GRIN2A: variants seen among roughly 807,000 people sequenced by gnomAD.
The protein encoded by GRIN2A is glutamate receptor ionotropic, NMDA 2A.
GRIN2A carries 22 observed loss-of-function variants against 113.4 expected under a neutral mutation model. The ratio of observed to expected loss-of-function variants is 0.19; its 90% CI spans 0.14 to 0.28. GRIN2A has a LOEUF of 0.28. Among genes scored for constraint, GRIN2A ranks in the 10% least tolerant of loss-of-function variants. The pLI, the probability that GRIN2A is intolerant of heterozygous loss-of-function variation, is 1.00. For missense variants in GRIN2A, 1,502 were observed against 1,887.0 expected, an observed-to-expected ratio of 0.80 and a Z score of 3.78; for synonymous variants, 827 against 738.4, an observed-to-expected ratio of 1.12 and a Z score of -1.94.
At chr16:10,094,749 C>A (rs1384329739) in intron 2 of GRIN2A, among the ~76,000 whole-genome samples, 1 of 151,998 alleles carries the variant, frequency 6.6e-6, no homozygotes, top group Non-Finnish European at 1.5e-5. Flanking sequence ...TGTGCCTGGC[C>A]CAGAAAGCAT....
intron 2 of GRIN2A, 105 bp downstream of exon 2, chr16:10,179,893 C>CCCAAACAA: frequency 2.8e-6 from 2 of 719,814 alleles, no homozygotes; most frequent in East Asian, 3.6e-5. Context: ...CCCCCACCCC[C>CCCAAACAA]ACTTCACATC....
chr16:9,960,942 C>T (rs915541165), intron 2 of GRIN2A, among the ~76,000 whole-genome samples: 2 of 152,162 alleles, frequency 1.3e-5, no homozygotes, highest in African/African-American at 4.8e-5. Context: ...TTCTTAGTCT[C>T]AATTTCCTGA....
chr16:9,928,317 CTATA>C (rs2141600981), intron 3 of GRIN2A, among the ~76,000 whole-genome samples: 1 of 152,184 alleles, frequency 6.6e-6, no homozygotes, highest in South Asian at 2.1e-4. Context: ...AGCTTTTGGC[CTATA>C]TATAGATAGA....
At chr16:9,810,092 A>G (rs2042057951) in intron 10 of GRIN2A, among the ~76,000 whole-genome samples, 1 of 152,136 alleles carries the variant, frequency 6.6e-6, no homozygotes, top group East Asian at 1.9e-4. Context: ...CCTGGCATGG[A>G]GTGAGGGCTA....
chr16:10,075,253 C>T (rs1245257881), intron 2 of GRIN2A, among the ~76,000 whole-genome samples: 1 of 152,026 alleles, frequency 6.6e-6, no homozygotes, highest in Non-Finnish European at 1.5e-5. Context: ...CCCTTTCATC[C>T]TGAGTTTGAG....
At chr16:9,770,237 T>C (rs969250822) in intron 11 of GRIN2A, among the ~76,000 whole-genome samples, 1 of 152,070 alleles carries the variant, frequency 6.6e-6, no homozygotes, top group African/African-American at 2.4e-5. Context: ...ATGTGTATGC[T>C]AAATGAAAAG....
At chr16:9,977,567 G>C (rs1228896981) in intron 2 of GRIN2A, among the ~76,000 whole-genome samples, 1 of 152,150 alleles carries the variant, frequency 6.6e-6, no homozygotes, top group African/African-American at 2.4e-5. Context: ...TGTATACAGC[G>C]TACCACCCAC....
intron 3 of GRIN2A, among the ~76,000 whole-genome samples, chr16:9,929,009 T>C (rs2044529382): frequency 6.6e-6 from 1 of 152,214 alleles, no homozygotes; most frequent in African/African-American, 2.4e-5. Context: ...AAATCAACAT[T>C]GGGAACAGAG....
At chr16:9,996,283 T>G (rs1485162840) in intron 2 of GRIN2A, among the ~76,000 whole-genome samples, 2 of 152,130 alleles carry the variant, frequency 1.3e-5, no homozygotes, top group Non-Finnish European at 2.9e-5. Context: ...CTCTTTCACC[T>G]TCCAGAGGGA....
intron 2 of GRIN2A, among the ~76,000 whole-genome samples, chr16:10,035,788 A>C (rs2047014612): frequency 1.3e-5 from 2 of 148,234 alleles, no homozygotes. Flanking sequence ...CAGTGGTATG[A>C]TCTTGGCTCA....
At chr16:9,927,387 A>G (rs2044488836) in intron 3 of GRIN2A, among the ~76,000 whole-genome samples, 1 of 152,118 alleles carries the variant, frequency 6.6e-6, no homozygotes, top group African/African-American at 2.4e-5. Context: ...TTTGGCCACA[A>G]AGAAGTCTTC....
At chr16:10,152,516 C>A (rs540332837) in intron 2 of GRIN2A, among the ~76,000 whole-genome samples, 11 of 152,176 alleles carry the variant, frequency 7.2e-5, no homozygotes, top group Non-Finnish European at 1.5e-4. Context: ...CCGTTTTCCC[C>A]CCAACCATCA....
chr16:10,114,893 A>G (rs72776018), intron 2 of GRIN2A, among the ~76,000 whole-genome samples: 10,799 of 152,334 alleles, frequency 0.071, 486 homozygotes, highest in Non-Finnish European at 0.11. Context: ...GATATTTTCT[A>G]TGTAAAACTA....
At chr16:10,034,822 G>C (rs774248147) in intron 2 of GRIN2A, among the ~76,000 whole-genome samples, 12 of 152,152 alleles carry the variant, frequency 7.9e-5, no homozygotes, top group Non-Finnish European at 1.3e-4. Context: ...AAGCATGGTT[G>C]ACTGTCTGCA....
At chr16:9,936,651 C>G (rs984314926) in intron 3 of GRIN2A, among the ~76,000 whole-genome samples, 1 of 152,064 alleles carries the variant, frequency 6.6e-6, no homozygotes, top group Non-Finnish European at 1.5e-5. Flanking sequence ...CTTAAATGTT[C>G]GCCAAGATGG....
intron 2 of GRIN2A, among the ~76,000 whole-genome samples, chr16:9,986,435 T>C (rs2045980219): frequency 6.6e-6 from 1 of 152,154 alleles, no homozygotes; most frequent in South Asian, 2.1e-4. Flanking sequence ...TGTATTTCTG[T>C]TTTAACAATG....
intron 2 of GRIN2A, among the ~76,000 whole-genome samples, chr16:10,007,211 G>T (rs541013503): frequency 1.4e-4 from 21 of 152,300 alleles, no homozygotes; most frequent in African/African-American, 5.1e-4. Flanking sequence ...CCTCCATACT[G>T]TTATCCATAG....
At chr16:10,152,516 C>T (rs540332837) in intron 2 of GRIN2A, among the ~76,000 whole-genome samples, 72 of 152,294 alleles carry the variant, frequency 4.7e-4, no homozygotes, top group South Asian at 1.7e-3. Flanking sequence ...CCGTTTTCCC[C>T]CCAACCATCA....
At chr16:10,011,850 C>T (rs1411758020) in intron 2 of GRIN2A, among the ~76,000 whole-genome samples, 7 of 152,106 alleles carry the variant, frequency 4.6e-5, no homozygotes, top group African/African-American at 1.7e-4. Context: ...GTGTCTGTAC[C>T]ACACATGTAA....
Sources: gnomAD v4.1 joint callset for allele counts (sites outside exome capture counted in the v4.1 genomes callset) on GRCh38, gnomAD v4.1.1 for gene constraint, MANE v1.5 for transcripts, NCBI Gene and HGNC (gene_info 2026-07-23, HGNC 2026-07-21) for gene names.